The following FTO variants were observed in gnomAD, a reference collection of about 807,000 sequenced individuals.
FTO encodes alpha-ketoglutarate-dependent dioxygenase FTO.
FTO carries 47 observed loss-of-function variants against 63.9 expected under a neutral mutation model. The observed-to-expected ratio is 0.74, with a 90% confidence interval of 0.58 to 0.94. FTO has a LOEUF of 0.94. Among genes scored for constraint, FTO ranks in the 40% least tolerant of loss-of-function variants. The pLI, the probability that FTO is intolerant of heterozygous loss-of-function variation, is 0.00. For missense variants in FTO, 562 were observed against 618.1 expected (o/e 0.91, Z 0.96); for synonymous variants, 207 against 224.4 (o/e 0.92, Z 0.69).
At chr16:53,997,399 G>A (rs531776223) in intron 8 of FTO, among the ~76,000 whole-genome samples, 336 of 152,186 alleles carry the variant, frequency 2.2e-3, no homozygotes, top group African/African-American at 6.5e-3. Flanking sequence ...CAGCCAAACC[G>A]TATCAGGTGT....
At chr16:53,904,363 T>C (rs1472805947) in intron 7 of FTO, among the ~76,000 whole-genome samples, 1 of 152,216 alleles carries the variant, frequency 6.6e-6, no homozygotes, top group African/African-American at 2.4e-5. Flanking sequence ...TCTTAATTGC[T>C]ATAATAATCT....
rs1444593876 is a variant in FTO at position 54,119,049 on chromosome 16, C to T, written c.*7134C>T. 6.6e-6 allele frequency: 1 copy of T among 152,164 alleles called. No individual in the cohort carries two copies. The highest frequency in any genetic ancestry group is 2.4e-5 in the African/African-American group (1 of 41,416). 9.4% of individuals were successfully genotyped at this position (152,164 alleles called of 1,614,324 possible). On this transcript the variant is annotated 3_prime_UTR_variant, in exon 9 of 9. Transcript: ENST00000471389. The stretch of plus-strand genomic sequence containing the variant: ...TTAAAGCCACAGCAGGCTGCCAGGG[C>T]TTGGAGAAATAGAAACCTCTCTTGC...
chr16:53,963,358 T>C (rs1208490554), intron 8 of FTO, among the ~76,000 whole-genome samples: 1 of 152,194 alleles, frequency 6.6e-6, no homozygotes, highest in African/African-American at 2.4e-5. Context: ...TGACCTCTTT[T>C]GTGTGGACAG....
At chr16:53,853,716 A>G (rs1242015809) in intron 4 of FTO, among the ~76,000 whole-genome samples, 3 of 151,954 alleles carry the variant, frequency 2.0e-5, no homozygotes, top group African/African-American at 4.8e-5. Flanking sequence ...TTCTTTATCT[A>G]CTCAACAGTT....
intron 7 of FTO, among the ~76,000 whole-genome samples, chr16:53,917,057 T>A (rs1368572084): frequency 6.6e-6 from 1 of 152,192 alleles, no homozygotes; most frequent in Admixed American, 6.5e-5. Flanking sequence ...TGAACCCTAG[T>A]CTGTCAGTGA....
chr16:53,877,320 A>G (rs921886124), intron 5 of FTO, among the ~76,000 whole-genome samples: 2 of 152,250 alleles, frequency 1.3e-5, no homozygotes, highest in Non-Finnish European at 2.9e-5. Flanking sequence ...GAATGGATAA[A>G]TAAAACGTGG....
chr16:54,114,396 G>A lies in FTO; in HGVS notation c.*2481G>A, dbSNP rs1217239244. On this transcript the variant is annotated 3_prime_UTR_variant, in exon 9 of 9. Transcript: ENST00000471389. ...ATTGAACTCTATTCGTAGACTGCTT[G>A]TACTAATGTCATTTGCATCATAAAA... 6.6e-6 allele frequency: 1 copy of A among 152,072 alleles called. No individual in the cohort carries two copies. The highest frequency in any genetic ancestry group is 6.5e-5 in the Admixed American group (1 of 15,272). 9.4% of individuals were successfully genotyped at this position (152,072 alleles called of 1,614,324 possible). A position where few individuals can be genotyped will look rare whatever the true frequency, so the allele number is the denominator to read the frequency against.
At chr16:53,825,492 C>G (rs1463312132) in intron 2 of FTO, among the ~76,000 whole-genome samples, 2 of 152,110 alleles carry the variant, frequency 1.3e-5, no homozygotes, top group African/African-American at 4.8e-5. Flanking sequence ...TACAACAGTA[C>G]CTGGTACGTA....
rs989230113 is a variant in FTO at position 53,720,675 on chromosome 16, G to GAT, written c.45+16457_45+16458dup. 2.2e-4 allele frequency among the ~76,000 whole-genome samples: 32 copies of GAT among 144,230 alleles called. No individual in the cohort carries two copies. In the East Asian group the frequency reaches 4.1e-3, roughly 18 times the overall value. The allele number at this position is 144,230 out of a possible 152,430, so 94.6% of individuals were successfully genotyped here. A position where few individuals can be genotyped will look rare whatever the true frequency, so the allele number is the denominator to read the frequency against. The stretch of plus-strand genomic sequence containing the variant: ...ATATATCTTTTATATATATATAAAA[G>GAT]ATATATATATATCTGTGTCTTCCGA... On this transcript the variant is annotated intron_variant, in intron 1 of 8. Transcript: ENST00000471389.
In FTO at chr16:54,028,512, C is replaced by T. The variant is rs571315450; in HGVS notation, c.1365-83250C>T. Reference sequence around the variant, plus strand: ...CTCAAGGGTGATATGGTGTCACTTGCAAAAAGTGGTCAAAGAAAAAAGAGA... The same window carrying T: ...CTCAAGGGTGATATGGTGTCACTTGTAAAAAGTGGTCAAAGAAAAAAGAGA... On this transcript the variant is annotated intron_variant, in intron 8 of 8. Coordinates refer to ENST00000471389, the MANE Select transcript of FTO (RefSeq NM_001080432.3). 3.9e-5 allele frequency among the ~76,000 whole-genome samples: 6 copies of T among 152,084 alleles called. No individual in the cohort carries two copies. In the South Asian group the frequency reaches 1.0e-3, roughly 26 times the overall value.
chr16:54,072,982 CT>C (rs1302206873), intron 8 of FTO, among the ~76,000 whole-genome samples: 2 of 152,154 alleles, frequency 1.3e-5, no homozygotes, highest in Admixed American at 6.5e-5. Flanking sequence ...AAGAATTATT[CT>C]GGTTGGAGTT....
At chr16:54,035,885 A>T (rs943495645) in intron 8 of FTO, among the ~76,000 whole-genome samples, 2 of 151,992 alleles carry the variant, frequency 1.3e-5, no homozygotes, top group Non-Finnish European at 1.5e-5. Flanking sequence ...TGTTGGCTAC[A>T]TTTCTTTCCT....
At chr16:54,082,269 A>G (rs2086167791) in intron 8 of FTO, among the ~76,000 whole-genome samples, 1 of 152,206 alleles carries the variant, frequency 6.6e-6, no homozygotes, top group African/African-American at 2.4e-5. Context: ...AGATGTTTCA[A>G]ACAGTTTGGA....
chr16:53,919,855 G>C (rs1446577715), intron 7 of FTO, among the ~76,000 whole-genome samples: 1 of 152,092 alleles, frequency 6.6e-6, no homozygotes, highest in Non-Finnish European at 1.5e-5. Context: ...AAGGAGGTGA[G>C]GGATAAAAGA....
chr16:54,035,562 C>T (rs1236485956), intron 8 of FTO, among the ~76,000 whole-genome samples: 3 of 152,264 alleles, frequency 2.0e-5, no homozygotes, highest in African/African-American at 7.2e-5. Context: ...AACTCATTGA[C>T]ATTGTCGGTT....
chr16:53,813,369 G>A (rs2078587932), intron 2 of FTO, among the ~76,000 whole-genome samples: 1 of 151,918 alleles, frequency 6.6e-6, no homozygotes, highest in South Asian at 2.1e-4. Context: ...CTGCCACCAT[G>A]CCTGCCTAAT....
chr16:53,907,718 A>G (rs757286941), intron 7 of FTO, among the ~76,000 whole-genome samples: 16 of 152,010 alleles, frequency 1.1e-4, no homozygotes, highest in Non-Finnish European at 1.6e-4. Context: ...GTCTAATCAC[A>G]TCATGCTCCC....
intron 8 of FTO, among the ~76,000 whole-genome samples, chr16:54,057,653 G>T (rs118037147): frequency 6.6e-6 from 1 of 151,278 alleles, no homozygotes; most frequent in Admixed American, 6.6e-5. Context: ...CTGTATTTTT[G>T]GTAGAGATGG....
intron 1 of FTO, among the ~76,000 whole-genome samples, chr16:53,716,029 T>C (rs1296567822): frequency 6.6e-6 from 1 of 152,222 alleles, no homozygotes; most frequent in South Asian, 2.1e-4. Flanking sequence ...TAATGCAGTA[T>C]AGTAAATACT....
Sources: gnomAD v4.1 joint callset for allele counts (sites outside exome capture counted in the v4.1 genomes callset) on GRCh38, gnomAD v4.1.1 for gene constraint, MANE v1.5 for transcripts, NCBI Gene and HGNC (gene_info 2026-07-23, HGNC 2026-07-21) for gene names.